Variants in NELL1 observed in about 807,000 individuals in gnomAD.
NELL1 encodes the protein neural EGFL like 1, also known as protein kinase C-binding protein NELL1.
NELL1 carries 76 observed loss-of-function variants against 107.4 expected under a neutral mutation model. The ratio of observed to expected loss-of-function variants is 0.71; its 90% confidence interval spans 0.59 to 0.86. The LOEUF (loss-of-function observed/expected upper bound fraction) is 0.86. Ranked by LOEUF, NELL1 falls within the 40% of genes least tolerant of loss-of-function variation. NELL1 has a pLI of 0.00. For synonymous variants in NELL1, 353 were observed against 341.2 expected, an observed-to-expected ratio of 1.03 and a Z score of -0.38; for missense variants, 1,024 against 1,005.5, an observed-to-expected ratio of 1.02 and a Z score of -0.25.
intron 2 of NELL1, among the ~76,000 whole-genome samples, chr11:20,772,626 T>TTCAC (rs1177024613): frequency 2.0e-5 from 3 of 151,998 alleles, no homozygotes; most frequent in African/African-American, 7.3e-5. Context: ...CATTCATTCA[T>TTCAC]TCATTCATTC....
chr11:20,850,986 A>G (rs1022639247), intron 4 of NELL1, among the ~76,000 whole-genome samples: 3 of 152,190 alleles, frequency 2.0e-5, no homozygotes, highest in Non-Finnish European at 4.4e-5. Flanking sequence ...GTCTGAAACT[A>G]TCTCCAAAAC....
chr11:21,238,558 A>C (rs1383182677), intron 14 of NELL1, among the ~76,000 whole-genome samples: 1 of 152,098 alleles, frequency 6.6e-6, no homozygotes, highest in Non-Finnish European at 1.5e-5. Flanking sequence ...GGGATGTGGC[A>C]AAATGAGCTT....
chr11:21,109,334 T>C (rs144538413), intron 12 of NELL1, among the ~76,000 whole-genome samples: 61 of 152,296 alleles, frequency 4.0e-4, no homozygotes, highest in African/African-American at 1.4e-3. Context: ...AAATGTGCTT[T>C]TAAAATAGTT....
At chr11:21,370,438 T>A (rs1407792728) in intron 14 of NELL1, among the ~76,000 whole-genome samples, 1 of 152,004 alleles carries the variant, frequency 6.6e-6, no homozygotes, top group East Asian at 1.9e-4. Context: ...AACATAAAAG[T>A]TTTTATTGTC....
intron 5 of NELL1, among the ~76,000 whole-genome samples, chr11:20,917,186 C>T (rs188168018): frequency 6.6e-6 from 1 of 152,054 alleles, no homozygotes; most frequent in Admixed American, 6.6e-5. Flanking sequence ...AACTTCTTCC[C>T]CATGGGGAGG....
At chr11:21,101,298 T>A (rs1178983711) in intron 12 of NELL1, among the ~76,000 whole-genome samples, 20 of 152,226 alleles carry the variant, frequency 1.3e-4, no homozygotes, top group Admixed American at 1.3e-3. Context: ...GCAATAAACA[T>A]ATGTGTGCAT....
At chr11:21,231,570 T>G (rs1033317819) in intron 14 of NELL1, among the ~76,000 whole-genome samples, 1 of 152,212 alleles carries the variant, frequency 6.6e-6, no homozygotes, top group Non-Finnish European at 1.5e-5. Flanking sequence ...GGGATTTTAA[T>G]GCACTTTTTT....
intron 14 of NELL1, among the ~76,000 whole-genome samples, chr11:21,354,109 G>A (rs557543448): frequency 9.9e-5 from 15 of 152,232 alleles, no homozygotes; most frequent in Non-Finnish European, 1.2e-4. Context: ...AAGTCTTACC[G>A]CAGTTTCTAG....
chr11:20,708,450 T>C (rs1347481977), intron 2 of NELL1, among the ~76,000 whole-genome samples: 1 of 152,214 alleles, frequency 6.6e-6, no homozygotes. Flanking sequence ...ACTGGAGCTC[T>C]TCCTGTTCAG....
chr11:21,280,849 G>A lies in NELL1; in HGVS notation c.1549+51395G>A, dbSNP rs143338252. ...AAGTTAATAATAAACATTATTTAAG[G>A]TTCCAAAGCCTAGGCTCTAAACAGT... On this transcript the variant is annotated intron_variant, in intron 14 of 19. Transcript: ENST00000357134. Among the ~76,000 whole-genome samples, 544 of 151,974 alleles carry A rather than the reference G, an allele frequency of 3.6e-3. 4 individuals are homozygous for A. The highest frequency in any genetic ancestry group is 0.013 in the African/African-American group (519 of 41,424).
At chr11:20,954,503 G>C (rs974822872) in intron 11 of NELL1, among the ~76,000 whole-genome samples, 1 of 152,112 alleles carries the variant, frequency 6.6e-6, no homozygotes, top group Non-Finnish European at 1.5e-5. Flanking sequence ...GGCCATAGGT[G>C]GTTTATTGCC....
intron 12 of NELL1, among the ~76,000 whole-genome samples, chr11:21,108,946 AGCT>A (rs1421637808): frequency 6.6e-6 from 1 of 152,140 alleles, no homozygotes; most frequent in African/African-American, 2.4e-5. Context: ...CATAAACATC[AGCT>A]ACAGCGAACA....
intron 13 of NELL1, among the ~76,000 whole-genome samples, chr11:21,192,941 C>T (rs986054189): frequency 5.3e-5 from 8 of 151,922 alleles, no homozygotes; most frequent in African/African-American, 1.9e-4. Flanking sequence ...TCTTTAATGA[C>T]TGGGGTTTTT....
At chr11:20,893,380 T>A (rs1564953905) in intron 5 of NELL1, among the ~76,000 whole-genome samples, 1 of 149,698 alleles carries the variant, frequency 6.7e-6, no homozygotes, top group Non-Finnish European at 1.5e-5. Flanking sequence ...TTTTTTTTTT[T>A]AATAAATAAA....
chr11:20,712,519 C>G (rs1172670375), intron 2 of NELL1, among the ~76,000 whole-genome samples: 1 of 152,104 alleles, frequency 6.6e-6, no homozygotes, highest in Non-Finnish European at 1.5e-5. Context: ...TGCTGGGGAG[C>G]TAGTGTGATC....
rs576386363 is a variant in NELL1 at position 20,878,385 on chromosome 11, A to G, written c.507-7059A>G. On this transcript the variant is annotated intron_variant, in intron 4 of 19. Transcript: ENST00000357134. ...AAAAAAAAAAAAAAAAAAAGATGCC[A>G]TTTGATCTAATTAATTTTCAAGTTG... is the stretch of plus-strand genomic sequence containing the variant. Among the ~76,000 whole-genome samples, 7 of 137,960 alleles carry G rather than the reference A, an allele frequency of 5.1e-5. No individual in the cohort carries two copies. The East Asian group carries it at 1.1e-3, about 22-fold the overall frequency. The allele number at this position is 137,960 out of a possible 152,430, so 90.5% of individuals were successfully genotyped here.
At chr11:21,319,781 C>T (rs1415126267) in intron 14 of NELL1, among the ~76,000 whole-genome samples, 1 of 151,840 alleles carries the variant, frequency 6.6e-6, no homozygotes, top group Non-Finnish European at 1.5e-5. Context: ...AACCCCGTCT[C>T]TACTAAAAAT....
chr11:21,322,883 A>G (rs1850044920), intron 14 of NELL1, among the ~76,000 whole-genome samples: 2 of 151,948 alleles, frequency 1.3e-5, no homozygotes, highest in Admixed American at 6.6e-5. Context: ...ATTTCTCCCA[A>G]TTTCCTGCTT....
rs529565406 is a variant in NELL1 at position 21,165,887 on chromosome 11, C to T, written c.1426+52173C>T. On this transcript the variant is annotated intron_variant, in intron 13 of 19. Transcript: ENST00000357134. ...AAGCAATTCTCCTGCCTCAGCCTCC[C>T]GAGTAGCTGGGTGCCCACTACAACA... Among the ~76,000 whole-genome samples, 429 of 150,978 alleles carry T rather than the reference C, an allele frequency of 2.8e-3. 10 individuals carry two copies. The highest frequency in any genetic ancestry group is 9.8e-3 in the African/African-American group (399 of 40,682).
Sources: gnomAD v4.1 joint callset for allele counts (sites outside exome capture counted in the v4.1 genomes callset) on GRCh38, gnomAD v4.1.1 for gene constraint, MANE v1.5 for transcripts, NCBI Gene and HGNC (gene_info 2026-07-23, HGNC 2026-07-21) for gene names.